ABLIM1: variants seen among roughly 807,000 people sequenced by gnomAD.
ABLIM1 encodes actin binding LIM protein 1.
Under a neutral mutation model 107.0 loss-of-function variants are expected in ABLIM1, and 40 were observed. The observed-to-expected ratio is 0.37, with a 90% CI of 0.29 to 0.49. The LOEUF is 0.49. ABLIM1 is among the 20% of genes least tolerant of loss of function. ABLIM1 has a pLI of 0.97. For missense variants in ABLIM1, 857 were observed against 1,008.5 expected (o/e 0.85, Z 2.04); for synonymous variants, 357 against 357.3 (o/e 1.00, Z 0.01).
intron 1 of ABLIM1, among the ~76,000 whole-genome samples, chr10:114,625,755 AG>A (rs2140533049): frequency 6.6e-6 from 1 of 152,326 alleles, no homozygotes; most frequent in African/African-American, 2.4e-5. Context: ...GGTGGACATT[AG>A]CACTGGTTTT....
chr10:114,722,940 C>G (rs973696745), intron 1 of ABLIM1, among the ~76,000 whole-genome samples: 1 of 152,184 alleles, frequency 6.6e-6, no homozygotes, highest in Non-Finnish European at 1.5e-5. Flanking sequence ...CTTCTGTAAT[C>G]ATGGCTGGAT....
intron 12 of ABLIM1, among the ~76,000 whole-genome samples, chr10:114,464,268 C>A (rs2064649465): frequency 6.6e-6 from 1 of 151,678 alleles, no homozygotes; most frequent in Non-Finnish European, 1.5e-5. Flanking sequence ...TCACTGCAAC[C>A]TTTGCCTCCC....
At chr10:114,602,026 G>C (rs2076052524) in intron 1 of ABLIM1, 65 bp from the exon 2 acceptor site, 1 of 1,596,086 alleles carries the variant, frequency 6.3e-7, no homozygotes, top group African/African-American at 1.3e-5. Context: ...GGTCATCATG[G>C]TATCTCTGTA....
chr10:114,769,172 G>GAAAAAAAAAA (rs35691537), upstream of ABLIM1, among the ~76,000 whole-genome samples: 1 of 46,524 alleles, frequency 2.1e-5, no homozygotes, highest in East Asian at 8.9e-4. Context: ...TGTCTTCAAT[G>GAAAAAAAAAA]AAAAAAAAAA....
At chr10:114,514,240 C>T (rs1473604524) in intron 6 of ABLIM1, among the ~76,000 whole-genome samples, 2 of 150,496 alleles carry the variant, frequency 1.3e-5, no homozygotes, top group South Asian at 2.1e-4. Context: ...CCGGAGATTG[C>T]GGTGAGCCAA....
intron 22 of ABLIM1, among the ~76,000 whole-genome samples, chr10:114,437,050 C>G (rs1035711618): frequency 6.6e-6 from 1 of 152,146 alleles, no homozygotes; most frequent in Non-Finnish European, 1.5e-5. Context: ...CCAGATAACC[C>G]TTCAACAAGG....
At chr10:114,776,197 T>C in the ABLIM1 span, 1 of 152,154 alleles carries the variant, frequency 6.6e-6, no homozygotes, top group South Asian at 2.1e-4. Flanking sequence ...TTTTCTTTTT[T>C]TTTTTTTCAG....
chr10:114,553,547 A>G (rs1415292673), intron 4 of ABLIM1, among the ~76,000 whole-genome samples: 1 of 152,244 alleles, frequency 6.6e-6, no homozygotes, highest in Non-Finnish European at 1.5e-5. Context: ...GCTGAGAGTC[A>G]GCAGCGAGCT....
the ABLIM1 span, among the ~76,000 whole-genome samples, chr10:114,784,038 A>C: frequency 3.9e-5 from 6 of 152,000 alleles, no homozygotes; most frequent in African/African-American, 1.5e-4. Flanking sequence ...AAGAAAGGAC[A>C]ATGCACACTT....
intron 1 of ABLIM1, among the ~76,000 whole-genome samples, chr10:114,691,590 G>C (rs779146429): frequency 1.3e-5 from 2 of 152,192 alleles, no homozygotes; most frequent in Non-Finnish European, 2.9e-5. Context: ...GCAGGAATCA[G>C]GGGATTCCAC....
chr10:114,678,418 G>A (rs186677081), intron 1 of ABLIM1, among the ~76,000 whole-genome samples: 13 of 152,234 alleles, frequency 8.5e-5, no homozygotes, highest in Admixed American at 7.2e-4. Flanking sequence ...TTGAAACCAC[G>A]GATTCTTTTT....
intron 4 of ABLIM1, among the ~76,000 whole-genome samples, chr10:114,567,870 T>C (rs2138624856): frequency 6.6e-6 from 1 of 152,266 alleles, no homozygotes; most frequent in Middle Eastern, 3.4e-3. Flanking sequence ...CTGTGAACAT[T>C]ATCAAGGGAG....
chr10:114,733,569 T>C (rs2082119572), intron 1 of ABLIM1, among the ~76,000 whole-genome samples: 1 of 152,170 alleles, frequency 6.6e-6, no homozygotes, highest in Non-Finnish European at 1.5e-5. Context: ...CCTACTGAGA[T>C]AAATCCTTCA....
chr10:114,656,353 G>A (rs1378667084), intron 1 of ABLIM1, among the ~76,000 whole-genome samples: 1 of 151,734 alleles, frequency 6.6e-6, no homozygotes, highest in Non-Finnish European at 1.5e-5. Context: ...TATGCTGCTG[G>A]TGGGAATGTA....
intron 2 of ABLIM1, among the ~76,000 whole-genome samples, chr10:114,586,981 C>T (rs2074266937): frequency 6.6e-6 from 1 of 152,162 alleles, no homozygotes; most frequent in Admixed American, 6.5e-5. Context: ...TGCCTACCCC[C>T]ATCTTCATCC....
chr10:114,572,652 C>A (rs1427623859), intron 3 of ABLIM1, among the ~76,000 whole-genome samples: 1 of 152,188 alleles, frequency 6.6e-6, no homozygotes, highest in African/African-American at 2.4e-5. Flanking sequence ...ATGGCATCCA[C>A]CAACTTAGAA....
At chr10:114,763,980 T>C (rs2082818058) in intron 1 of ABLIM1, among the ~76,000 whole-genome samples, 1 of 152,188 alleles carries the variant, frequency 6.6e-6, no homozygotes, top group Non-Finnish European at 1.5e-5. Context: ...TTAGAATCAC[T>C]TTTCACATGT....
At chr10:114,666,398 T>C (rs1468709622) in intron 1 of ABLIM1, among the ~76,000 whole-genome samples, 1 of 152,176 alleles carries the variant, frequency 6.6e-6, no homozygotes, top group Non-Finnish European at 1.5e-5. Context: ...GCAAAATCAA[T>C]AGAGTTTGGA....
rs565809881 is a variant in ABLIM1 at position 114,747,408 on chromosome 10, C to T, written c.-213+20653G>A. Among the ~76,000 whole-genome samples the T allele has an allele frequency of 1.2e-4, 19 of 152,238 alleles. No homozygotes were observed. The East Asian group carries it at 2.7e-3, about 22-fold the overall frequency. ...TATCTGCTGTGTGTGCCTGTCTCTCCGCTCTGCTCTATGTGTATACGTGCC... is the reference window on the plus strand; with the variant it reads ...TATCTGCTGTGTGTGCCTGTCTCTCTGCTCTGCTCTATGTGTATACGTGCC... On this transcript the variant is annotated intron_variant, in intron 1 of 15. Coordinates refer to the ABLIM1 transcript ENST00000651092.
Sources: gnomAD v4.1 joint callset for allele counts (sites outside exome capture counted in the v4.1 genomes callset) on GRCh38, gnomAD v4.1.1 for gene constraint, MANE v1.5 for transcripts, NCBI Gene and HGNC (gene_info 2026-07-23, HGNC 2026-07-21) for gene names.